NAB1: variants seen among roughly 807,000 people sequenced by gnomAD.
The protein encoded by NAB1 is NGFI-A binding protein 1.
A neutral mutation model predicts 49.9 loss-of-function variants in NAB1; 25 were observed. The observed-to-expected ratio is 0.50, with a 90% CI of 0.37 to 0.70. The LOEUF (loss-of-function observed/expected upper bound fraction) is 0.70. Among genes scored for constraint, NAB1 ranks in the 30% least tolerant of loss-of-function variants. The pLI is 0.00. For missense variants in NAB1, 489 were observed against 575.9 expected (o/e 0.85, Z 1.54); for synonymous variants, 198 against 215.6 (o/e 0.92, Z 0.71).
rs1277740246 is a variant in NAB1 at position 190,667,212 on chromosome 2, T to G, written c.820-3114T>G. Among the ~76,000 whole-genome samples the G allele has an allele frequency of 2.0e-5, 3 of 152,220 alleles. No individual in the cohort carries two copies. Among genetic ancestry groups the G allele is most frequent in the Non-Finnish European group, 4.4e-5 (3 of 68,034 alleles). On this transcript the variant is annotated intron_variant, in intron 4 of 9. Transcript: ENST00000337386. The surrounding 1 kb of genome is among the most constrained non-coding windows in gnomAD (Gnocchi z 4.4). ...CATTATGTTTATTTTTCTTGGTTTCTGGAAAGGTAAGAGAAGGAATACTAG... is the reference window on the plus strand; with the variant it reads ...CATTATGTTTATTTTTCTTGGTTTCGGGAAAGGTAAGAGAAGGAATACTAG...
Position 190,670,976 on chromosome 2 carries a change from T to C in NAB1, c.953+517T>C, listed in dbSNP as rs1694775767. Among the ~76,000 whole-genome samples the C allele has an allele frequency of 6.6e-6, 1 of 152,202 alleles. No individual in the cohort carries two copies. Among genetic ancestry groups the C allele is most frequent in the African/African-American group, 2.4e-5 (1 of 41,454 alleles). ...AACACAAGTTTGAAATAAAACGTGA[T>C]GTTAAAAAGCAATGGTGGTTTCAAA... On this transcript the variant is annotated intron_variant, in intron 5 of 9. Transcript: ENST00000337386. This position sits in a 1 kb window ranked among gnomAD's most constrained non-coding sequence, Gnocchi z 5.3.
At position 190,680,102 on chromosome 2, in the gene NAB1, C is replaced by T. The variant is rs1407374741; in HGVS notation, c.1006-3636C>T. On this transcript the variant is annotated intron_variant, in intron 6 of 9. Coordinates refer to ENST00000337386, the MANE Select transcript of NAB1 (RefSeq NM_005966.4). The surrounding 1 kb of genome is among the most constrained non-coding windows in gnomAD (Gnocchi z 5.2). ...TCCAGGGCTGGGCCTTCACCAGCAG[C>T]CCTCTAACCAGTGTCCCTGTCACCA... 6.6e-6 allele frequency among the ~76,000 whole-genome samples: 1 copy of T among 152,186 alleles called. No homozygotes were observed. Among genetic ancestry groups the T allele is most frequent in the African/African-American group, 2.4e-5 (1 of 41,452 alleles).
rs931974105 is a variant in NAB1 at position 190,689,858 on chromosome 2, A to G, written c.1376-387A>G. On this transcript the variant is annotated intron_variant, in intron 9 of 9. Coordinates refer to ENST00000337386, the MANE Select transcript of NAB1 (RefSeq NM_005966.4). This position sits in a 1 kb window ranked among gnomAD's most constrained non-coding sequence, Gnocchi z 4.3. ...ATATATTTATCATGTTGGATCAAGC[A>G]TTAAATAAAAATTAATATATTCTAT... Among the ~76,000 whole-genome samples, 5 of 151,850 alleles carry G rather than the reference A, an allele frequency of 3.3e-5. No individual in the cohort carries two copies. Among genetic ancestry groups the G allele is most frequent in the African/African-American group, 1.2e-4 (5 of 41,340 alleles).
At chr2:190,658,652 T>G (rs1045680821) in intron 3 of NAB1, among the ~76,000 whole-genome samples, 2 of 152,250 alleles carry the variant, frequency 1.3e-5, no homozygotes, top group African/African-American at 4.8e-5. Context: ...GCCAGACTCA[T>G]CTTGCTCATT....
In NAB1 at chr2:190,674,087, T is replaced by C. The variant is rs1380303770; in HGVS notation, c.1005+935T>C. On this transcript the variant is annotated intron_variant, in intron 6 of 9. Transcript: ENST00000337386. This position sits in a 1 kb window ranked among gnomAD's most constrained non-coding sequence, Gnocchi z 5.7. Reference sequence around the variant, plus strand: ...GTATCTATATGGCAGTAATCCTTTATTCATATCAAAGCCAGAGTTATCTTA... The same window carrying C: ...GTATCTATATGGCAGTAATCCTTTACTCATATCAAAGCCAGAGTTATCTTA... Among the ~76,000 whole-genome samples, 1 of 152,230 alleles carries C rather than the reference T, an allele frequency of 6.6e-6. No homozygotes were observed. Among genetic ancestry groups the C allele is most frequent in the Non-Finnish European group, 1.5e-5 (1 of 68,040 alleles).
rs1379859752 is a variant in NAB1, at chr2:190,659,763, C to T, written c.587C>T (p.Ala196Val). The T allele has an allele frequency of 8.1e-6, 13 of 1,613,948 alleles. No individual in the cohort carries two copies. Among genetic ancestry groups the T allele is most frequent in the African/African-American group, 1.3e-5 (1 of 74,914 alleles). ...AGTGAGGCGCTGGATGCTGCTGCTG[C>T]GCTCTCTGTGGCTGAGTGTGTGGAG... The part of the protein sequence containing the change: ...ESSEALDAAA[A>V]LSVAECVERM... Residue 196 changes from alanine (A) to valine (V), a missense_variant, in exon 4 of 10, where the codon GCG becomes GTG. Transcript: ENST00000337386. This position sits in a 1 kb window ranked among gnomAD's most constrained non-coding sequence, Gnocchi z 6.2.
At chr2:190,683,931 T>G (rs930421646) in intron 7 of NAB1, 104 bp downstream of exon 7, 1 of 859,004 alleles carries the variant, frequency 1.2e-6, no homozygotes, top group African/African-American at 1.7e-5. Context: ...GCCTGACTTT[T>G]TATTTCCGTT....
Position 190,663,349 on chromosome 2 carries a change from A to G in NAB1, c.819+3354A>G, listed in dbSNP as rs1694321115. Among the ~76,000 whole-genome samples the G allele has an allele frequency of 6.6e-6, 1 of 152,218 alleles. No individual in the cohort carries two copies. The highest frequency in any genetic ancestry group is 1.5e-5 in the Non-Finnish European group (1 of 68,036). On this transcript the variant is annotated intron_variant, in intron 4 of 9. Coordinates refer to ENST00000337386, the MANE Select transcript of NAB1 (RefSeq NM_005966.4). This position sits in a 1 kb window ranked among gnomAD's most constrained non-coding sequence, Gnocchi z 4.2. ...CTTAGCTCCTGACCAACCTTGCCAA[A>G]GGTTTGCCAATTTTATTCTTTTTTA... is the stretch of plus-strand genomic sequence containing the variant.
chr2:190,648,954 C>T (rs1574402545), upstream of NAB1: 1 of 149,500 alleles, frequency 6.7e-6, no homozygotes, highest in East Asian at 2.0e-4. Flanking sequence ...GCGGAATCTC[C>T]CAATGTGACA....
Position 190,658,064 on chromosome 2 carries a change from GGCT to G in NAB1, c.-19-1090_-19-1088del, listed in dbSNP as rs553304481. Among the ~76,000 whole-genome samples, 576 of 152,268 alleles carry G rather than the reference GGCT, an allele frequency of 3.8e-3. 2 individuals are homozygous for G. Among genetic ancestry groups the G allele is most frequent in the Middle Eastern group, 0.027 (8 of 294 alleles). On this transcript the variant is annotated intron_variant, in intron 3 of 9. Coordinates refer to ENST00000337386, the MANE Select transcript of NAB1 (RefSeq NM_005966.4). ...CAGGCAACTGTGAACAACTTTTAAA[GGCT>G]GCTAAGAGGTCAAGAAGTACTTTGC...
In NAB1 at chr2:190,657,827, C is replaced by T. The variant is rs1337633734; in HGVS notation, c.-19-1331C>T. Among the ~76,000 whole-genome samples, 6 of 152,208 alleles carry T rather than the reference C, an allele frequency of 3.9e-5. No homozygotes were observed. Among genetic ancestry groups the T allele is most frequent in the East Asian group, 1.9e-4 (1 of 5,204 alleles). On this transcript the variant is annotated intron_variant, in intron 3 of 9. Transcript: ENST00000337386. The surrounding 1 kb of genome is among the most constrained non-coding windows in gnomAD (Gnocchi z 4.4). The stretch of plus-strand genomic sequence containing the variant: ...TCAGTGACTTCTTGGCTTTCAGGGA[C>T]GTCCCAGTTAACTATTGCTGCATAC...
In NAB1 at chr2:190,683,819, A is replaced by G. The variant is rs1353417068; in HGVS notation, c.1087A>G (p.Ser363Gly). 6 of 1,611,816 alleles carry G rather than the reference A, an allele frequency of 3.7e-6. No homozygotes were observed. Among genetic ancestry groups the G allele is most frequent in the Non-Finnish European group, 5.1e-6 (6 of 1,178,452 alleles). ...TAAGAGTGAAGAACTTGCAGCTCTT[A>G]GTTCACAGGTAACATAAACTCCCAG... ...RAKSEELAAL[S>G]SQQPEKVMAK... The change falls in exon 7 of 10, where the codon AGT (serine) becomes GGT (glycine). Residue 363 changes from serine to glycine, a missense_variant. Ser to Gly is a moderately conservative substitution (Grantham distance 56). This residue lies in a region of NAB1 where 212 missense variants were observed against 199.3 expected (regional missense o/e 1.06). Transcript: ENST00000337386.
chr2:190,650,015 C>T (rs147057666), intron 2 of NAB1, 33 bp downstream of exon 2: 8 of 152,226 alleles, frequency 5.3e-5, no homozygotes, highest in African/African-American at 1.9e-4. Flanking sequence ...TGGAGAAACA[C>T]TGAAAATACT....
chr2:190,685,581 C>T lies in NAB1; in HGVS notation c.1201C>T (p.Gln401Ter), dbSNP rs772703768. The T allele has an allele frequency of 1.2e-6, 2 of 1,613,906 alleles. No individual in the cohort carries two copies. The highest frequency in any genetic ancestry group is 2.7e-5 in the African/African-American group (2 of 74,902). The change falls in exon 8 of 10, where the codon CAG becomes TAG. Residue 401 changes from glutamine (Q) to a stop codon, truncating the protein, a stop_gained. Transcript: ENST00000337386. LOFTEE classifies it high-confidence loss of function. The surrounding 1 kb of genome is among the most constrained non-coding windows in gnomAD (Gnocchi z 4.5). ...GAGGTTGTCTGCAGGGCTTTACAGG[C>T]AGAGCTCAGAAGAGCACAGTCCTAA... ...ERRLSAGLYR[Q>*]SSEEHSPNGL...
rs771339861 is a variant in NAB1, at chr2:190,685,437, T to C, written c.1096-39T>C. Reference sequence around the variant, plus strand: ...CTTTAAACCATTAAAAAATCTAGAATGTTTCAGTTACTGATTTGATTTTTG... The same window carrying C: ...CTTTAAACCATTAAAAAATCTAGAACGTTTCAGTTACTGATTTGATTTTTG... On this transcript the variant is annotated intron_variant, in intron 7 of 9. Transcript: ENST00000337386. The surrounding 1 kb of genome is among the most constrained non-coding windows in gnomAD (Gnocchi z 4.5). 1.3e-6 allele frequency: 2 copies of C among 1,544,212 alleles called. No homozygotes were observed. Among genetic ancestry groups the C allele is most frequent in the African/African-American group, 2.7e-5 (2 of 72,790 alleles).
chr2:190,686,761 A>G lies in NAB1; in HGVS notation c.1259-440A>G, dbSNP rs1695627734. Among the ~76,000 whole-genome samples the G allele has an allele frequency of 6.6e-6, 1 of 151,982 alleles. No individual in the cohort carries two copies. The highest frequency in any genetic ancestry group is 6.6e-5 in the Admixed American group (1 of 15,246). On this transcript the variant is annotated intron_variant, in intron 8 of 9. Coordinates refer to ENST00000337386, the MANE Select transcript of NAB1 (RefSeq NM_005966.4). The surrounding 1 kb of genome is among the most constrained non-coding windows in gnomAD (Gnocchi z 5.5). ...TATAATTTTTTCCCATATTTGTGCTAAATCTGTTTTTTCACGGATTTTGCT... is the reference window on the plus strand; with the variant it reads ...TATAATTTTTTCCCATATTTGTGCTGAATCTGTTTTTTCACGGATTTTGCT...
intron 6 of NAB1, among the ~76,000 whole-genome samples, chr2:190,673,667 G>A (rs912499896): frequency 1.3e-5 from 2 of 152,074 alleles, no homozygotes; most frequent in African/African-American, 2.4e-5. Context: ...CTAACTTTTC[G>A]TTTCTTTATA....
At chr2:190,656,186 A>G (rs575191886) in intron 3 of NAB1, 33 bp downstream of exon 3, 2 of 152,368 alleles carry the variant, frequency 1.3e-5, no homozygotes, top group Admixed American at 6.5e-5. Flanking sequence ...TGGATTTACA[A>G]TACTCTAAGC....
intron 4 of NAB1, among the ~76,000 whole-genome samples, chr2:190,664,585 CCTTTTT>C (rs1694405645): frequency 1.2e-5 from 1 of 80,094 alleles, no homozygotes; most frequent in African/African-American, 4.3e-5. Context: ...TTTCTTCTTT[CCTTTTT>C]TTTTTTTTTT....
Sources: gnomAD v4.1 joint callset for allele counts (sites outside exome capture counted in the v4.1 genomes callset) on GRCh38, gnomAD v4.1.1 for gene constraint, gnomAD v4.1.1 regional missense constraint, Gnocchi (gnomAD v3.1) non-coding constraint, MANE v1.5 for transcripts, NCBI Gene and HGNC (gene_info 2026-07-23, HGNC 2026-07-21) for gene names.